Variants in NAT1 observed in about 807,000 individuals in gnomAD.
NAT1 encodes N-acetyltransferase 1.
For missense variants in NAT1, 400 were observed against 339.2 expected, an observed-to-expected ratio of 1.18 and a Z score of -1.41; for synonymous variants, 144 against 122.6, an observed-to-expected ratio of 1.17 and a Z score of -1.16.
At chr8:18,189,981 G>T (rs555565827) in intron 2 of NAT1, among the ~76,000 whole-genome samples, 477 of 152,192 alleles carry the variant, frequency 3.1e-3, no homozygotes, top group Non-Finnish European at 5.6e-3. Flanking sequence ...GTAGAGATCG[G>T]TTTTCACCAT....
intron 2 of NAT1, among the ~76,000 whole-genome samples, chr8:18,174,910 A>G (rs2040475): frequency 0.43 from 65,957 of 151,840 alleles, 17,973 homozygotes; most frequent in African/African-American, 0.77. Context: ...CAGTCCTCAA[A>G]GGGTTTACGG....
intron 2 of NAT1, among the ~76,000 whole-genome samples, chr8:18,171,201 C>T (rs1235625523): frequency 6.6e-6 from 1 of 152,116 alleles, no homozygotes; most frequent in Non-Finnish European, 1.5e-5. Context: ...GTAGAGTTAG[C>T]CTTTCTAAAG....
chr8:18,223,036 A>G lies in NAT1; in HGVS notation c.*116A>G, dbSNP rs1805514055. The G allele has an allele frequency of 1.4e-5, 10 of 732,822 alleles. No individual in the cohort carries two copies. The highest frequency in any genetic ancestry group is 1.9e-5 in the Non-Finnish European group (10 of 516,110). The allele number at this position is 732,822 out of a possible 1,614,324, so 45.4% of individuals were successfully genotyped here. ...ATTTTGAAGAAAATCCTAGACATCA[A>G]ATCATTTCACCTATAAAAATGTCAT... On this transcript the variant is annotated 3_prime_UTR_variant, in exon 3 of 3. Transcript: ENST00000307719.
At position 18,216,843 on chromosome 8, in the gene NAT1, A is replaced by G. The variant is rs541204606; in HGVS notation, c.-85-2568A>G. 6.8e-5 allele frequency: 89 copies of G among 1,302,988 alleles called. No homozygotes were observed. The South Asian group carries it at 8.6e-4, about 13-fold the overall frequency. The allele number at this position is 1,302,988 out of a possible 1,614,324, so 80.7% of individuals were successfully genotyped here. ...ATGTGGCACAAAAATGGTAAGGGGG[A>G]ACTCATAAGAACTCATAATTATTTC... On this transcript the variant is annotated intron_variant, in intron 1 of 2. Coordinates refer to ENST00000307719, the MANE Select transcript of NAT1 (RefSeq NM_000662.8).
Position 18,222,656 on chromosome 8 carries a change from G to C in NAT1, c.609G>C (p.Glu203Asp), listed in dbSNP as rs776888648. ...TLKPRTIEDF[E>D]SMNTYLQTSP... ...AGCCTCGAACAATTGAAGATTTTGAGTCTATGAATACATACCTGCAGACAT... is the reference window on the plus strand; with the variant it reads ...AGCCTCGAACAATTGAAGATTTTGACTCTATGAATACATACCTGCAGACAT... The change falls in exon 3 of 3, where the codon GAG becomes GAC. Residue 203 changes from glutamate to aspartate, a missense_variant. Glu to Asp is a conservative substitution (Grantham distance 45). Coordinates refer to ENST00000307719, the MANE Select transcript of NAT1 (RefSeq NM_000662.8). The C allele has an allele frequency of 2.5e-6, 4 of 1,613,572 alleles. No individual in the cohort carries two copies. Among genetic ancestry groups the C allele is most frequent in the Non-Finnish European group, 3.4e-6 (4 of 1,179,872 alleles).
intron 1 of NAT1, among the ~76,000 whole-genome samples, chr8:18,213,506 A>G (rs1804314271): frequency 6.6e-6 from 1 of 152,118 alleles, no homozygotes; most frequent in African/African-American, 2.4e-5. Flanking sequence ...GACTTCACCA[A>G]TCAGAAACTG....
intron 2 of NAT1, among the ~76,000 whole-genome samples, chr8:18,195,880 C>T (rs1482734836): frequency 6.6e-6 from 1 of 151,590 alleles, no homozygotes; most frequent in Non-Finnish European, 1.5e-5. Flanking sequence ...TATACACACA[C>T]ACACATAAAT....
intron 2 of NAT1, among the ~76,000 whole-genome samples, chr8:18,198,638 A>G (rs182648568): frequency 6.6e-5 from 10 of 152,360 alleles, no homozygotes; most frequent in Admixed American, 2.6e-4. Flanking sequence ...ACTGAAGTAT[A>G]ATTGACAAAC....
At chr8:18,173,177 C>CACACAA (rs1355268870) in intron 2 of NAT1, among the ~76,000 whole-genome samples, 1 of 150,192 alleles carries the variant, frequency 6.7e-6, no homozygotes, top group South Asian at 2.1e-4. Flanking sequence ...CACACACACA[C>CACACAA]AATGATCATG....
chr8:18,219,349 A>T lies in NAT1; in HGVS notation c.-85-62A>T, dbSNP rs370659189. 5.2e-5 allele frequency: 60 copies of T among 1,143,460 alleles called. No homozygotes were observed. In the East Asian group the frequency reaches 6.2e-4, roughly 12 times the overall value. The allele number at this position is 1,143,460 out of a possible 1,614,324, so 70.8% of individuals were successfully genotyped here. A position where few individuals can be genotyped will look rare whatever the true frequency, so the allele number is the denominator to read the frequency against. ...TTCATAATTTACGGTCTACAAAACT[A>T]TTATTTTGTTTTCAAGGAAGTCATG... On this transcript the variant is annotated intron_variant, in intron 1 of 2. Coordinates refer to ENST00000307719, the MANE Select transcript of NAT1 (RefSeq NM_000662.8).
intron 2 of NAT1, among the ~76,000 whole-genome samples, chr8:18,185,065 CTTGTTT>C (rs2117234578): frequency 2.8e-5 from 2 of 70,756 alleles, no homozygotes; most frequent in East Asian, 7.8e-4. Flanking sequence ...TTCAGGAGTG[CTTGTTT>C]CGGTTTCAGG....
At chr8:18,186,749 C>T (rs75189306) in intron 2 of NAT1, among the ~76,000 whole-genome samples, 1 of 152,104 alleles carries the variant, frequency 6.6e-6, no homozygotes, top group Non-Finnish European at 1.5e-5. Flanking sequence ...TCGCAACATG[C>T]CCCTTCCCTT....
At chr8:18,178,392 G>A (rs761649241) in intron 2 of NAT1, among the ~76,000 whole-genome samples, 13 of 152,148 alleles carry the variant, frequency 8.5e-5, no homozygotes, top group Non-Finnish European at 1.6e-4. Context: ...ATTAAAATGT[G>A]TGGCTTTGAT....
intron 2 of NAT1, among the ~76,000 whole-genome samples, chr8:18,183,970 G>A (rs1802624645): frequency 6.6e-6 from 1 of 152,146 alleles, no homozygotes; most frequent in African/African-American, 2.4e-5. Context: ...ATGAGTTGGA[G>A]TCTCATGCCT....
intron 2 of NAT1, among the ~76,000 whole-genome samples, chr8:18,195,063 AGTAAG>A (rs779846051): frequency 1.4e-4 from 21 of 152,184 alleles, no homozygotes; most frequent in Non-Finnish European, 2.5e-4. Flanking sequence ...CTGTTTGATG[AGTAAG>A]GTCAAGGAGT....
At chr8:18,199,022 C>CT (rs1803351331) in intron 2 of NAT1, among the ~76,000 whole-genome samples, 1 of 151,458 alleles carries the variant, frequency 6.6e-6, no homozygotes, top group South Asian at 2.1e-4. Flanking sequence ...TCCTTTAAGA[C>CT]CTTTTTTTTG....
chr8:18,194,811 T>G (rs1240759985), intron 2 of NAT1, among the ~76,000 whole-genome samples: 16 of 110,256 alleles, frequency 1.5e-4, no homozygotes, highest in African/African-American at 4.5e-4. Flanking sequence ...AGAGTGAGAC[T>G]CTGTCTTAAA....
chr8:18,211,609 G>A (rs1047523945), intron 1 of NAT1, among the ~76,000 whole-genome samples: 4 of 152,228 alleles, frequency 2.6e-5, no homozygotes, highest in East Asian at 1.9e-4. Context: ...GGCCCCAGTC[G>A]GCATTAAATG....
upstream of NAT1, among the ~76,000 whole-genome samples, chr8:18,206,313 C>A (rs183731520): frequency 3.3e-5 from 5 of 152,300 alleles, no homozygotes; most frequent in East Asian, 9.7e-4. Flanking sequence ...TCCCTCTGTT[C>A]ACTTTCAGTG....
Sources: gnomAD v4.1 joint callset for allele counts (sites outside exome capture counted in the v4.1 genomes callset) on GRCh38, gnomAD v4.1.1 for gene constraint, MANE v1.5 for transcripts, NCBI Gene and HGNC (gene_info 2026-07-23, HGNC 2026-07-21) for gene names.